Variants in JADE2 observed in about 807,000 individuals in gnomAD.
JADE2 encodes jade family PHD finger 2, also known as E3 ubiquitin-protein ligase Jade-2.
Under a neutral mutation model 85.7 loss-of-function variants are expected in JADE2, and 13 were observed. The ratio of observed to expected loss-of-function variants is 0.15; its 90% CI spans 0.10 to 0.24. JADE2 has a LOEUF of 0.24. Among genes scored for constraint, JADE2 ranks in the 10% least tolerant of loss-of-function variants. The pLI is 1.00. For synonymous variants in JADE2, 440 were observed against 456.1 expected, an observed-to-expected ratio of 0.96 and a Z score of 0.45; for missense variants, 846 against 1,115.9, an observed-to-expected ratio of 0.76 and a Z score of 3.45.
chr5:134,552,759 A>T (rs1762666373), intron 4 of JADE2, among the ~76,000 whole-genome samples: 1 of 151,660 alleles, frequency 6.6e-6, no homozygotes, highest in Non-Finnish European at 1.5e-5. Flanking sequence ...TGAAGCCTTG[A>T]CCTCCCAGGT....
chr5:134,535,843 T>G lies in JADE2; in HGVS notation c.1-15T>G. On this transcript the variant is annotated splice_polypyrimidine_tract_variant and intron_variant, in intron 1 of 11. Transcript: ENST00000681547. ...AAGCCATCCGTGAGTATAATGGGCT[T>G]GCCTTTTGTTGCAGATGGAAGAGAA... 1 of 1,613,656 alleles carries G rather than the reference T, an allele frequency of 6.2e-7. No individual in the cohort carries two copies. Among genetic ancestry groups the G allele is most frequent in the Non-Finnish European group, 8.5e-7 (1 of 1,179,560 alleles).
At chr5:134,563,932 C>T (rs769517614) in intron 7 of JADE2, among the ~76,000 whole-genome samples, 9 of 152,174 alleles carry the variant, frequency 5.9e-5, no homozygotes, top group Non-Finnish European at 8.8e-5. Context: ...GCCCAGTAGA[C>T]TTGGGCATAG....
intron 3 of JADE2, among the ~76,000 whole-genome samples, chr5:134,541,190 G>T (rs1387749494): frequency 6.6e-6 from 1 of 152,222 alleles, no homozygotes; most frequent in Admixed American, 6.5e-5. Context: ...TTGAACTGTT[G>T]CCCAGCACAA....
At chr5:134,574,480 A>T (rs1241362087) in intron 10 of JADE2, 9 of 152,364 alleles carry the variant, frequency 5.9e-5, no homozygotes, top group Admixed American at 5.9e-4. Flanking sequence ...AAATAGCTGG[A>T]TGGAGAGAGA....
chr5:134,535,010 T>C (rs1369014105), intron 1 of JADE2, among the ~76,000 whole-genome samples: 1 of 152,184 alleles, frequency 6.6e-6, no homozygotes, highest in Non-Finnish European at 1.5e-5. Context: ...TCAGACCTCA[T>C]GGATTCAGTC....
chr5:134,547,083 T>C (rs7717966), intron 3 of JADE2, among the ~76,000 whole-genome samples: 7,365 of 152,312 alleles, frequency 0.048, 356 homozygotes, highest in South Asian at 0.23. Context: ...AGGTCACTCA[T>C]GCTCTGCTTT....
intron 2 of JADE2, among the ~76,000 whole-genome samples, chr5:134,537,082 A>G (rs1396549370): frequency 6.6e-6 from 1 of 152,170 alleles, no homozygotes; most frequent in East Asian, 1.9e-4. Flanking sequence ...TGGCTACAAC[A>G]TGCTGCCTGT....
intron 4 of JADE2, among the ~76,000 whole-genome samples, chr5:134,558,826 C>G (rs1053180612): frequency 6.6e-6 from 1 of 152,262 alleles, no homozygotes; most frequent in African/African-American, 2.4e-5. Flanking sequence ...GCATGAGCCA[C>G]CACGCCCAGC....
Position 134,560,898 on chromosome 5 carries a change from G to A in JADE2, c.625G>A (p.Glu209Lys). The A allele has an allele frequency of 6.2e-7, 1 of 1,614,204 alleles. No individual in the cohort carries two copies. The highest frequency in any genetic ancestry group is 8.5e-7 in the Non-Finnish European group (1 of 1,180,028). The change falls in exon 6 of 12, where the codon GAG (glutamate) becomes AAG (lysine). Residue 209 changes from glutamate (E) to lysine (K), a missense_variant. Coordinates refer to ENST00000681547, the MANE Select transcript of JADE2 (RefSeq NM_001388185.1). ...TGTCTGCGACGTGTGTCGCTCTCCT[G>A]AGGGCGAGGATGGCAACGAGATGGT... ...DVVCDVCRSP[E>K]GEDGNEMVFC...
intron 3 of JADE2, among the ~76,000 whole-genome samples, chr5:134,547,575 C>T (rs1762367327): frequency 6.6e-6 from 1 of 152,180 alleles, no homozygotes; most frequent in Admixed American, 6.5e-5. Context: ...TTTAGGAGAA[C>T]ATTTAAGCCT....
chr5:134,536,401 C>G (rs1296809829), intron 2 of JADE2, among the ~76,000 whole-genome samples: 1 of 152,172 alleles, frequency 6.6e-6, no homozygotes. Flanking sequence ...CAGTGAATGT[C>G]TGCTGAACAA....
intron 4 of JADE2, 127 bp from the exon 5 acceptor site, chr5:134,559,703 G>T: frequency 1.2e-6 from 1 of 829,060 alleles, no homozygotes; most frequent in South Asian, 1.9e-5. Context: ...GGAAGGAGGT[G>T]GGCCCTGTGT....
At chr5:134,546,982 G>A (rs1271324935) in intron 3 of JADE2, among the ~76,000 whole-genome samples, 2 of 152,170 alleles carry the variant, frequency 1.3e-5, no homozygotes, top group Non-Finnish European at 2.9e-5. Flanking sequence ...TCTTGAGATT[G>A]TATATTAAAC....
At chr5:134,571,763 G>A (rs182255069) in intron 9 of JADE2, among the ~76,000 whole-genome samples, 7 of 152,224 alleles carry the variant, frequency 4.6e-5, no homozygotes. Flanking sequence ...TCAGCACCTG[G>A]CCTCCTCCCT....
chr5:134,550,160 GGT>G (rs1482013732), intron 3 of JADE2, among the ~76,000 whole-genome samples: 1 of 152,312 alleles, frequency 6.6e-6, no homozygotes, highest in East Asian at 1.9e-4. Context: ...ATTGTAATCT[GGT>G]TTTAATTTTT....
In JADE2 at chr5:134,581,074, A is replaced by G. The variant is rs1184261984; in HGVS notation, c.*1757A>G. 6.6e-6 allele frequency: 1 copy of G among 152,656 alleles called. No individual in the cohort carries two copies. Among genetic ancestry groups the G allele is most frequent in the South Asian group, 2.1e-4 (1 of 4,832 alleles). The allele number at this position is 152,656 out of a possible 1,614,324, so 9.5% of individuals were successfully genotyped here. ...CTAACTCCAAAACTATCAAGGTACG[A>G]CAGTGGCATTGTCATCGACACTCAA... On this transcript the variant is annotated 3_prime_UTR_variant, in exon 12 of 12. Coordinates refer to ENST00000681547, the MANE Select transcript of JADE2 (RefSeq NM_001388185.1).
Position 134,535,906 on chromosome 5 carries a change from A to G in JADE2, c.49A>G (p.Thr17Ala). The change falls in exon 2 of 12, where the codon ACC becomes GCC. Residue 17 changes from threonine to alanine, a missense_variant. Thr to Ala is a moderately conservative substitution (Grantham distance 58). Transcript: ENST00000681547. The part of the protein sequence containing the change: ...KYSISSDNSD[T>A]TDSHATSTSA... ...CTCCATCAGCAGTGACAACTCTGAC[A>G]CCACTGACAGTAAGGCCTTCCAGTT... 1.2e-6 allele frequency: 2 copies of G among 1,613,706 alleles called. No individual in the cohort carries two copies. The highest frequency in any genetic ancestry group is 1.7e-6 in the Non-Finnish European group (2 of 1,179,626).
At chr5:134,546,162 GTTTGTTTGT>G (rs1457855569) in intron 3 of JADE2, among the ~76,000 whole-genome samples, 1 of 110,152 alleles carries the variant, frequency 9.1e-6, no homozygotes, top group Non-Finnish European at 1.9e-5. Flanking sequence ...TTTTTTGTTT[GTTTGTTTGT>G]TTGTTTGTTT....
intron 4 of JADE2, among the ~76,000 whole-genome samples, chr5:134,555,339 C>A (rs1331329469): frequency 1.3e-5 from 2 of 152,326 alleles, no homozygotes; most frequent in East Asian, 3.9e-4. Flanking sequence ...AGGGTAAAGA[C>A]CCCCTCCCCT....
Sources: allele counts gnomAD v4.1 joint callset (sites outside exome capture counted in the v4.1 genomes callset), GRCh38; gene constraint gnomAD v4.1.1; transcripts MANE v1.5; gene names NCBI Gene and HGNC (gene_info 2026-07-23, HGNC 2026-07-21).